DIP2C: variants seen among roughly 807,000 people sequenced by gnomAD.
The protein encoded by DIP2C is disco-interacting protein 2 homolog C.
Under a neutral mutation model 192.4 loss-of-function variants are expected in DIP2C, and 33 were observed. The ratio of observed to expected loss-of-function variants is 0.17; its 90% CI spans 0.13 to 0.23. DIP2C has a LOEUF of 0.23. Among genes scored for constraint, DIP2C ranks in the 10% least tolerant of loss-of-function variants. The pLI is 1.00. For synonymous variants in DIP2C, 979 were observed against 864.1 expected (o/e 1.13, Z -2.33); for missense variants, 1,537 against 2,110.1 (o/e 0.73, Z 5.32).
At chr10:592,006 T>C (rs962132145) in intron 1 of DIP2C, among the ~76,000 whole-genome samples, 1 of 152,190 alleles carries the variant, frequency 6.6e-6, no homozygotes, top group African/African-American at 2.4e-5. Context: ...CAAGTGTCAT[T>C]TCACATTTCA....
At chr10:444,971 T>C (rs960347092) in intron 3 of DIP2C, among the ~76,000 whole-genome samples, 3 of 152,206 alleles carry the variant, frequency 2.0e-5, no homozygotes, top group African/African-American at 7.2e-5. Context: ...ATATGGTAAA[T>C]GTACACATTT....
intron 33 of DIP2C, among the ~76,000 whole-genome samples, chr10:287,736 T>TAAAAAAAC (rs550551242): frequency 2.7e-5 from 4 of 150,898 alleles, no homozygotes; most frequent in Admixed American, 2.0e-4. Flanking sequence ...TTAGTTCTAG[T>TAAAAAAAC]AAAAAAACAA....
intron 1 of DIP2C, among the ~76,000 whole-genome samples, chr10:587,334 G>A (rs924293437): frequency 7.9e-5 from 12 of 152,204 alleles, no homozygotes; most frequent in Non-Finnish European, 1.8e-4. Context: ...TCCAAGTTCC[G>A]CGTCAGTAAA....
intron 1 of DIP2C, among the ~76,000 whole-genome samples, chr10:572,279 C>CT (rs1426700679): frequency 6.6e-6 from 1 of 152,254 alleles, no homozygotes; most frequent in African/African-American, 2.4e-5. Flanking sequence ...CTCATACTTG[C>CT]TAACCACATC....
chr10:328,982 A>C (rs1957386966), intron 30 of DIP2C, among the ~76,000 whole-genome samples: 1 of 152,238 alleles, frequency 6.6e-6, no homozygotes, highest in South Asian at 2.1e-4. Context: ...CTGTTAACTG[A>C]ACTGTAAAAT....
chr10:571,621 C>T (rs1564211537), intron 1 of DIP2C, among the ~76,000 whole-genome samples: 1 of 152,170 alleles, frequency 6.6e-6, no homozygotes, highest in East Asian at 1.9e-4. Context: ...AGAGGGTTTT[C>T]TTTCACTCTG....
At chr10:390,897 CG>C (rs1564651813) in intron 10 of DIP2C, 34 bp from the exon 11 acceptor site, 3 of 1,610,176 alleles carry the variant, frequency 1.9e-6, no homozygotes, top group Non-Finnish European at 2.5e-6. Context: ...TGAGAATCCA[CG>C]ACCTGCCCCA....
chr10:554,948 GAGAC>G (rs1359831628), intron 1 of DIP2C, among the ~76,000 whole-genome samples: 1 of 152,032 alleles, frequency 6.6e-6, no homozygotes, highest in East Asian at 1.9e-4. Context: ...TGGTTCGTCA[GAGAC>G]AGAGTCTGGG....
At chr10:476,754 G>A (rs1843064659) in intron 2 of DIP2C, among the ~76,000 whole-genome samples, 1 of 152,088 alleles carries the variant, frequency 6.6e-6, no homozygotes, top group Non-Finnish European at 1.5e-5. Context: ...AACAAAATCT[G>A]GCTTGTTTTG....
intron 1 of DIP2C, among the ~76,000 whole-genome samples, chr10:557,500 G>C (rs909402629): frequency 1.3e-5 from 2 of 151,282 alleles, no homozygotes; most frequent in Non-Finnish European, 2.9e-5. Flanking sequence ...CCTCACCTGG[G>C]CTGTCTCATC....
intron 1 of DIP2C, among the ~76,000 whole-genome samples, chr10:572,024 A>G (rs1185571245): frequency 6.6e-6 from 1 of 152,240 alleles, no homozygotes; most frequent in African/African-American, 2.4e-5. Flanking sequence ...ATAATAAAAA[A>G]TCACTGAATT....
intron 6 of DIP2C, 71 bp downstream of exon 6, chr10:418,994 C>A (rs572461123): frequency 5.4e-4 from 866 of 1,598,168 alleles, no homozygotes; most frequent in Non-Finnish European, 6.5e-4. Flanking sequence ...CACATCCAGT[C>A]ATGGGCACGG....
chr10:323,834 A>G (rs572571467), intron 31 of DIP2C, among the ~76,000 whole-genome samples: 6 of 152,180 alleles, frequency 3.9e-5, no homozygotes, highest in African/African-American at 1.2e-4. Context: ...TGTACCAGGC[A>G]TGTCCTGTGT....
intron 2 of DIP2C, among the ~76,000 whole-genome samples, chr10:473,890 A>G (rs4881335): frequency 0.83 from 126,005 of 152,216 alleles, 55,333 homozygotes; most frequent in Non-Finnish European, 0.96. Flanking sequence ...GTTTCTGAAC[A>G]TCAGCTTTTG....
At chr10:584,372 G>A (rs1406522839) in intron 1 of DIP2C, among the ~76,000 whole-genome samples, 1 of 151,780 alleles carries the variant, frequency 6.6e-6, no homozygotes, top group African/African-American at 2.4e-5. Flanking sequence ...CCAAATCTCG[G>A]AGCCCACGAC....
Position 390,268 on chromosome 10 carries a change from A to G in DIP2C, c.1490T>C (p.Ile497Thr). 1 of 1,613,998 alleles carries G rather than the reference A, an allele frequency of 6.2e-7. No individual in the cohort carries two copies. The highest frequency in any genetic ancestry group is 1.3e-5 in the African/African-American group (1 of 74,984). The change falls in exon 12 of 37, where the codon ATT becomes ACT. Residue 497 changes from isoleucine to threonine, a missense_variant. This residue lies in a region of DIP2C where 677 missense variants were observed against 989.9 expected (regional missense o/e 0.68). Transcript: ENST00000280886. ...IKDANNDTAY[I>T]EYKTCKDGSV... ...AGGAGGCCAAGGCTGACTCACCTCA[A>G]TATACGCAGTGTCGTTATTGGCATC...
chr10:495,412 T>TA (rs1479666955), intron 1 of DIP2C, among the ~76,000 whole-genome samples: 1 of 152,186 alleles, frequency 6.6e-6, no homozygotes, highest in African/African-American at 2.4e-5. Flanking sequence ...TCACCACACA[T>TA]ACAAATTAAC....
chr10:318,016 C>T (rs1956850532), intron 31 of DIP2C, among the ~76,000 whole-genome samples: 1 of 152,174 alleles, frequency 6.6e-6, no homozygotes, highest in Non-Finnish European at 1.5e-5. Flanking sequence ...GAGGCTTCGG[C>T]TTGTCTCCCC....
intron 36 of DIP2C, among the ~76,000 whole-genome samples, chr10:279,378 C>T (rs373132268): frequency 9.2e-5 from 14 of 152,266 alleles, no homozygotes; most frequent in African/African-American, 2.2e-4. Flanking sequence ...CTTGGCTCTC[C>T]GGAGGAATCA....
Sources: gnomAD v4.1 joint callset for allele counts (sites outside exome capture counted in the v4.1 genomes callset) on GRCh38, gnomAD v4.1.1 for gene constraint, gnomAD v4.1.1 regional missense constraint, MANE v1.5 for transcripts, NCBI Gene and HGNC (gene_info 2026-07-23, HGNC 2026-07-21) for gene names.